ENOX1: variants seen among roughly 807,000 people sequenced by gnomAD.
ENOX1 encodes the protein candidate growth-related and time keeping constitutive hydroquinone (NADH) oxidase.
A neutral mutation model predicts 82.5 loss-of-function variants in ENOX1; 42 were observed. That is an observed-to-expected ratio of 0.51 (90% CI 0.40 to 0.66). The LOEUF (loss-of-function observed/expected upper bound fraction) is 0.66, where lower values mean the gene tolerates loss of function less well. ENOX1 is among the 30% of genes least tolerant of loss of function. The pLI is 0.00. For missense variants in ENOX1, 608 were observed against 811.6 expected, an observed-to-expected ratio of 0.75 and a Z score of 3.05; for synonymous variants, 271 against 282.2, an observed-to-expected ratio of 0.96 and a Z score of 0.40.
At chr13:43,429,330 G>A (rs1426104572) in intron 3 of ENOX1, among the ~76,000 whole-genome samples, 2 of 152,186 alleles carry the variant, frequency 1.3e-5, no homozygotes, top group Non-Finnish European at 2.9e-5. Flanking sequence ...TTTCGACTAC[G>A]ATGGCAGCAG....
chr13:43,300,341 ACACT>A (rs954704777), intron 11 of ENOX1, among the ~76,000 whole-genome samples: 13 of 152,216 alleles, frequency 8.5e-5, no homozygotes, highest in African/African-American at 3.1e-4. Flanking sequence ...AATACAGCAG[ACACT>A]CAATAAATGT....
chr13:43,530,864 G>A (rs2078179433), intron 2 of ENOX1, among the ~76,000 whole-genome samples: 1 of 151,518 alleles, frequency 6.6e-6, no homozygotes. Context: ...TATATCATTG[G>A]GTACCATTTA....
At chr13:43,283,323 A>G (rs1232348755) in intron 12 of ENOX1, among the ~76,000 whole-genome samples, 1 of 151,806 alleles carries the variant, frequency 6.6e-6, no homozygotes, top group Non-Finnish European at 1.5e-5. Context: ...GTTGCCAAAG[A>G]TTTTCCATTT....
intron 1 of ENOX1, among the ~76,000 whole-genome samples, chr13:43,670,072 C>T (rs573342922): frequency 6.6e-6 from 1 of 152,140 alleles, no homozygotes; most frequent in Non-Finnish European, 1.5e-5. Context: ...CGCTTCATTA[C>T]CAGTAAGAGC....
chr13:43,441,258 T>C (rs2056339375), intron 3 of ENOX1, among the ~76,000 whole-genome samples: 1 of 152,170 alleles, frequency 6.6e-6, no homozygotes, highest in Admixed American at 6.6e-5. Flanking sequence ...TAGCTGCAAT[T>C]TCCCCCATGA....
At chr13:43,360,605 A>G (rs1239744370) in intron 6 of ENOX1, among the ~76,000 whole-genome samples, 2 of 152,088 alleles carry the variant, frequency 1.3e-5, no homozygotes, top group Non-Finnish European at 2.9e-5. Context: ...GTATAAAAAG[A>G]TACAATGTAC....
intron 8 of ENOX1, among the ~76,000 whole-genome samples, chr13:43,355,419 T>C (rs2050083344): frequency 6.6e-6 from 1 of 152,238 alleles, no homozygotes; most frequent in Non-Finnish European, 1.5e-5. Context: ...GTTTCTTTTC[T>C]ATCCTCGATG....
intron 8 of ENOX1, among the ~76,000 whole-genome samples, chr13:43,346,727 G>A (rs1350398691): frequency 6.6e-6 from 1 of 152,172 alleles, no homozygotes; most frequent in Non-Finnish European, 1.5e-5. Context: ...TTAGCATGAT[G>A]TTTGTGAGAG....
intron 2 of ENOX1, among the ~76,000 whole-genome samples, chr13:43,541,171 C>CTTTTTTTTTTTTTTTTTTTTTT (rs1555317884): frequency 5.2e-5 from 2 of 38,734 alleles, no homozygotes; most frequent in Non-Finnish European, 1.2e-4. Flanking sequence ...CTTCTTCCCT[C>CTTTTTTTTTTTTTTTTTTTTTT]TGTTTTTTTT....
intron 2 of ENOX1, among the ~76,000 whole-genome samples, chr13:43,637,446 A>G (rs1594209126): frequency 6.6e-6 from 1 of 152,250 alleles, no homozygotes; most frequent in Non-Finnish European, 1.5e-5. Flanking sequence ...AATTAAGGAT[A>G]CTCAAAAACA....
intron 2 of ENOX1, among the ~76,000 whole-genome samples, chr13:43,651,235 G>A (rs901995912): frequency 6.6e-6 from 1 of 151,630 alleles, no homozygotes; most frequent in African/African-American, 2.4e-5. Flanking sequence ...AAGAAGAGGA[G>A]GAAGAAGAGG....
intron 1 of ENOX1, among the ~76,000 whole-genome samples, chr13:43,745,126 A>G (rs1390586382): frequency 1.3e-5 from 2 of 152,182 alleles, no homozygotes; most frequent in Non-Finnish European, 1.5e-5. Context: ...GAGTGGAGGA[A>G]GAAGATGATG....
chr13:43,604,033 A>G (rs1387666235), intron 2 of ENOX1, among the ~76,000 whole-genome samples: 2 of 149,378 alleles, frequency 1.3e-5, no homozygotes, highest in African/African-American at 5.0e-5. Flanking sequence ...ATTTCTCCAC[A>G]TCCTCTCCAG....
chr13:43,525,365 A>G (rs1224009492), intron 2 of ENOX1, among the ~76,000 whole-genome samples: 2 of 152,172 alleles, frequency 1.3e-5, no homozygotes, highest in Non-Finnish European at 2.9e-5. Flanking sequence ...TATAAACTAC[A>G]AATCATTATA....
chr13:43,659,621 G>A lies in ENOX1; in HGVS notation c.-219+7858C>T, dbSNP rs779867570. Among the ~76,000 whole-genome samples, 131 of 152,240 alleles carry A rather than the reference G, an allele frequency of 8.6e-4. 1 individual carries two copies. Among genetic ancestry groups the A allele is most frequent in the Non-Finnish European group, 3.4e-4 (23 of 68,018 alleles). Reference sequence around the variant, plus strand: ...AATGTCTCACGATCCTTGGCTGTCTGAGATATTTAAGGGCCGAGCACTAGA... The same window carrying A: ...AATGTCTCACGATCCTTGGCTGTCTAAGATATTTAAGGGCCGAGCACTAGA... On this transcript the variant is annotated intron_variant, in intron 2 of 16. Transcript: ENST00000690772.
At chr13:43,413,424 G>T (rs550572234) in intron 3 of ENOX1, among the ~76,000 whole-genome samples, 15 of 152,136 alleles carry the variant, frequency 9.9e-5, no homozygotes, top group African/African-American at 3.6e-4. Context: ...GTCGTCTGTG[G>T]AATGTATTCA....
intron 2 of ENOX1, among the ~76,000 whole-genome samples, chr13:43,639,553 G>A (rs1187201693): frequency 6.6e-6 from 1 of 152,158 alleles, no homozygotes; most frequent in Non-Finnish European, 1.5e-5. Flanking sequence ...GCCTCAGTTA[G>A]GAGCAGGCAC....
At chr13:43,388,816 T>C (rs780481534) in intron 5 of ENOX1, among the ~76,000 whole-genome samples, 4 of 152,070 alleles carry the variant, frequency 2.6e-5, no homozygotes, top group Non-Finnish European at 4.4e-5. Context: ...CAGAGGAAGG[T>C]GTCTCTGAAT....
At chr13:43,691,786 C>T (rs377135134) in intron 1 of ENOX1, among the ~76,000 whole-genome samples, 1 of 151,776 alleles carries the variant, frequency 6.6e-6, no homozygotes, top group Admixed American at 6.6e-5. Flanking sequence ...CTGCAATCTC[C>T]GCCTCCCAGG....
Sources: allele counts gnomAD v4.1 joint callset (sites outside exome capture counted in the v4.1 genomes callset), GRCh38; gene constraint gnomAD v4.1.1; transcripts MANE v1.5; gene names NCBI Gene and HGNC (gene_info 2026-07-23, HGNC 2026-07-21).